TMEM132C: variants seen among roughly 807,000 people sequenced by gnomAD.
TMEM132C encodes the protein protein phosphatase 1, regulatory subunit 152.
A neutral mutation model predicts 61.4 loss-of-function variants in TMEM132C; 29 were observed. That is an observed-to-expected ratio of 0.47 (90% CI 0.35 to 0.64). The LOEUF is 0.64. Ranked by LOEUF, TMEM132C falls within the 30% of genes least tolerant of loss-of-function variation. The pLI, the probability that TMEM132C is intolerant of heterozygous loss-of-function variation, is 0.00. For synonymous variants in TMEM132C, 656 were observed against 633.1 expected, an observed-to-expected ratio of 1.04 and a Z score of -0.54; for missense variants, 1,408 against 1,476.9, an observed-to-expected ratio of 0.95 and a Z score of 0.76.
chr12:128,403,831 G>A (rs989640036), intron 1 of TMEM132C, among the ~76,000 whole-genome samples: 4 of 152,168 alleles, frequency 2.6e-5, no homozygotes, highest in Non-Finnish European at 5.9e-5. Context: ...GGCTGGAGAA[G>A]GCTTTGATTA....
intron 2 of TMEM132C, among the ~76,000 whole-genome samples, chr12:128,487,603 GTATATATATATATA>G (rs35552118): frequency 7.3e-6 from 1 of 136,604 alleles, no homozygotes; most frequent in Non-Finnish European, 1.6e-5. Flanking sequence ...GTGTGTGTGG[GTATATATATATATA>G]TATATATATA....
chr12:128,685,559 G>A (rs1223838149), intron 5 of TMEM132C, among the ~76,000 whole-genome samples: 1 of 152,098 alleles, frequency 6.6e-6, no homozygotes, highest in Non-Finnish European at 1.5e-5. Context: ...ACTAGCAGAA[G>A]TACACATTTC....
intron 1 of TMEM132C, among the ~76,000 whole-genome samples, chr12:128,349,266 G>T (rs1687200330): frequency 1.3e-5 from 2 of 152,180 alleles, no homozygotes; most frequent in South Asian, 4.1e-4. Context: ...GCCTCCCAAA[G>T]TGCTAGGATT....
chr12:128,563,124 A>C (rs953580665), intron 3 of TMEM132C, among the ~76,000 whole-genome samples: 5 of 152,258 alleles, frequency 3.3e-5, no homozygotes, highest in Non-Finnish European at 5.9e-5. Context: ...GAAGCAAGGA[A>C]ATGTCATCTT....
chr12:128,645,397 G>A (rs973912253), intron 4 of TMEM132C, among the ~76,000 whole-genome samples: 3 of 152,122 alleles, frequency 2.0e-5, no homozygotes, highest in African/African-American at 4.8e-5. Context: ...ACGTGGAGAA[G>A]CCCTCACTGC....
At chr12:128,513,019 A>C (rs1872614510) in intron 2 of TMEM132C, among the ~76,000 whole-genome samples, 1 of 152,154 alleles carries the variant, frequency 6.6e-6, no homozygotes, top group Non-Finnish European at 1.5e-5. Flanking sequence ...GAAGCACGTG[A>C]CACTGTTTGG....
At chr12:128,647,164 A>G (rs1954210546) in intron 4 of TMEM132C, among the ~76,000 whole-genome samples, 1 of 147,232 alleles carries the variant, frequency 6.8e-6, no homozygotes, top group Admixed American at 6.8e-5. Context: ...GGAGTCCATC[A>G]GCGTTGGATG....
intron 3 of TMEM132C, among the ~76,000 whole-genome samples, chr12:128,583,360 G>C (rs1210156740): frequency 6.7e-6 from 1 of 148,468 alleles, no homozygotes; most frequent in African/African-American, 2.5e-5. Flanking sequence ...TCAGTGATGA[G>C]ATTCTAAGTC....
chr12:128,514,839 A>G (rs1872671353), intron 2 of TMEM132C, among the ~76,000 whole-genome samples: 1 of 152,218 alleles, frequency 6.6e-6, no homozygotes. Flanking sequence ...ACAGCAGACA[A>G]CATTCCCAGC....
intron 4 of TMEM132C, among the ~76,000 whole-genome samples, chr12:128,642,819 A>G (rs1218691998): frequency 1.3e-5 from 2 of 152,240 alleles, no homozygotes; most frequent in Non-Finnish European, 2.9e-5. Flanking sequence ...CGGTTAAGTA[A>G]TTTGCCAAGG....
At chr12:128,316,280 G>T (rs1872150705) in intron 1 of TMEM132C, among the ~76,000 whole-genome samples, 1 of 152,110 alleles carries the variant, frequency 6.6e-6, no homozygotes, top group Non-Finnish European at 1.5e-5. Flanking sequence ...AGTGTGTGGG[G>T]TCCCACATGG....
rs148731589 is a variant in TMEM132C, at chr12:128,536,773, G to A, written c.975-7184G>A. Among the ~76,000 whole-genome samples the A allele has an allele frequency of 1.0e-3, 152 of 152,302 alleles. 4 individuals are homozygous for A. The highest frequency in any genetic ancestry group is 3.5e-3 in the African/African-American group (145 of 41,568). ...CTTGTGTGTGTGTGTGTGTGTCTGT[G>A]TGTGTAAGTGTGTAATTTCCTTTCA... On this transcript the variant is annotated intron_variant, in intron 2 of 8. Coordinates refer to ENST00000435159, the MANE Select transcript of TMEM132C (RefSeq NM_001136103.3).
Position 128,705,603 on chromosome 12 carries a change from C to T in TMEM132C, c.2635C>T (p.Leu879=), listed in dbSNP as rs1227891792. The T allele has an allele frequency of 9.0e-6, 14 of 1,550,958 alleles. No homozygotes were observed. In the East Asian group the frequency reaches 3.4e-4, roughly 38 times the overall value. ...GAACAGTCGGGCAGACGGGGGCAGG[C>T]TGGCAGGAGAGGGGCAGCTGCAGAA... ...VKNSRADGGR[L]AGEGQLQNIP... is the part of the protein sequence containing the mutation. Residue 879 remains leucine, a synonymous_variant, in exon 9 of 9, where the codon CTG becomes TTG. Transcript: ENST00000435159.
At chr12:128,411,231 GC>G (rs1868526618) in intron 1 of TMEM132C, among the ~76,000 whole-genome samples, 1 of 151,990 alleles carries the variant, frequency 6.6e-6, no homozygotes, top group African/African-American at 2.4e-5. Flanking sequence ...ACAACTTGGG[GC>G]TAACTTGTTG....
chr12:128,299,008 G>A (rs1365717630), intron 1 of TMEM132C, among the ~76,000 whole-genome samples: 2 of 152,100 alleles, frequency 1.3e-5, no homozygotes, highest in African/African-American at 4.8e-5. Flanking sequence ...GGTATTTAAC[G>A]CTGAGAGCAA....
At chr12:128,431,268 A>G (rs754179195) in intron 2 of TMEM132C, among the ~76,000 whole-genome samples, 2 of 152,236 alleles carry the variant, frequency 1.3e-5, no homozygotes, top group African/African-American at 2.4e-5. Context: ...GCATGGCTCT[A>G]GTTCTGTGAA....
At chr12:128,408,386 G>A (rs1050029476) in intron 1 of TMEM132C, among the ~76,000 whole-genome samples, 3 of 152,192 alleles carry the variant, frequency 2.0e-5, no homozygotes, top group Non-Finnish European at 4.4e-5. Flanking sequence ...TCCTGTTGGT[G>A]AATGCTCCCA....
intron 1 of TMEM132C, among the ~76,000 whole-genome samples, chr12:128,405,249 C>A (rs1875300723): frequency 6.6e-6 from 1 of 152,142 alleles, no homozygotes; most frequent in Non-Finnish European, 1.5e-5. Flanking sequence ...AGAAAACACA[C>A]GGCAAAGGCT....
chr12:128,607,065 G>A (rs1277034729), intron 3 of TMEM132C, among the ~76,000 whole-genome samples: 1 of 152,106 alleles, frequency 6.6e-6, no homozygotes, highest in Non-Finnish European at 1.5e-5. Context: ...AAGTAGAAGA[G>A]GAGGCAGGAG....
Sources: allele counts gnomAD v4.1 joint callset (sites outside exome capture counted in the v4.1 genomes callset), GRCh38; gene constraint gnomAD v4.1.1; transcripts MANE v1.5; gene names NCBI Gene and HGNC (gene_info 2026-07-23, HGNC 2026-07-21).